ITGA2: variants seen among roughly 807,000 people sequenced by gnomAD.
ITGA2 encodes the protein integrin subunit alpha 2.
ITGA2 carries 101 observed loss-of-function variants against 146.3 expected under a neutral mutation model. The ratio of observed to expected loss-of-function variants is 0.69; its 90% CI spans 0.59 to 0.81. The LOEUF is 0.81. Ranked by LOEUF, ITGA2 falls within the 40% of genes least tolerant of loss-of-function variation. The probability of loss-of-function intolerance (pLI) is 0.00; values close to 1 mark genes in which losing one functional copy is unlikely to be tolerated. For missense variants in ITGA2, 1,281 were observed against 1,402.7 expected (o/e 0.91, Z 1.39); for synonymous variants, 477 against 487.1 (o/e 0.98, Z 0.27).
intron 1 of ITGA2, among the ~76,000 whole-genome samples, chr5:53,011,205 A>G (rs947682838): frequency 6.6e-6 from 1 of 152,182 alleles, no homozygotes; most frequent in Non-Finnish European, 1.5e-5. Context: ...CCATTAAGAC[A>G]TATAGAGGGG....
chr5:52,991,998 T>TCCACC (rs70974483), intron 1 of ITGA2, among the ~76,000 whole-genome samples: 67,519 of 151,446 alleles, frequency 0.45, 16,517 homozygotes, highest in Middle Eastern at 0.57. Context: ...GGATAGTCCT[T>TCCACC]CCACCCAGGT....
intron 7 of ITGA2, among the ~76,000 whole-genome samples, chr5:53,053,241 TG>T (rs1437573698): frequency 2.0e-5 from 3 of 152,182 alleles, no homozygotes; most frequent in African/African-American, 7.2e-5. Flanking sequence ...TTCCGTCAAC[TG>T]GTGACAATCC....
intron 4 of ITGA2, among the ~76,000 whole-genome samples, chr5:53,047,842 C>A (rs1353202120): frequency 6.6e-6 from 1 of 152,158 alleles, no homozygotes; most frequent in Non-Finnish European, 1.5e-5. Context: ...TCAGCAAGAA[C>A]AATGATAATG....
chr5:53,080,416 T>TTAC, intron 24 of ITGA2, 95 bp from the exon 25 acceptor site: 1 of 906,494 alleles, frequency 1.1e-6, no homozygotes, highest in Non-Finnish European at 1.9e-6. Flanking sequence ...TCTTACCACC[T>TTAC]CGTAGTTGCC....
Position 53,042,338 on chromosome 5 carries a change from T to C in ITGA2, c.295+117T>C, listed in dbSNP as rs948928388. 16 of 739,908 alleles carry C rather than the reference T, an allele frequency of 2.2e-5. No homozygotes were observed. The African/African-American group carries it at 2.4e-4, about 11-fold the overall frequency. The allele number at this position is 739,908 out of a possible 1,614,324, so 45.8% of individuals were successfully genotyped here. On this transcript the variant is annotated intron_variant, in intron 3 of 29. Coordinates refer to ENST00000296585, the MANE Select transcript of ITGA2 (RefSeq NM_002203.4). ...TACAGACAGCTTTTTTTTGCCCTTA[T>C]GTCTTTAGTAATATGGGGCACAATC...
chr5:53,048,377 G>T lies in ITGA2; in HGVS notation c.402G>T (p.Leu134=). The change falls in exon 5 of 30, where the codon CTG becomes CTT. Residue 134 remains leucine, a synonymous_variant. Coordinates refer to ENST00000296585, the MANE Select transcript of ITGA2 (RefSeq NM_002203.4). ...GTGGFLTCGP[L]WAQQCGNQYY... ...TTTCTTTGAAGACATGTGGTCCTCT[G>T]TGGGCACAGCAATGTGGGAATCAGT... 1.2e-6 allele frequency: 2 copies of T among 1,613,978 alleles called. No individual in the cohort carries two copies. The highest frequency in any genetic ancestry group is 2.2e-5 in the South Asian group (2 of 91,086).
At chr5:52,995,577 G>C (rs1398783562) in intron 1 of ITGA2, among the ~76,000 whole-genome samples, 3 of 152,166 alleles carry the variant, frequency 2.0e-5, no homozygotes, top group Non-Finnish European at 4.4e-5. Flanking sequence ...GCCATTCACT[G>C]AGATAAGCAG....
intron 1 of ITGA2, among the ~76,000 whole-genome samples, chr5:52,993,395 A>G (rs769899996): frequency 1.3e-5 from 2 of 152,192 alleles, no homozygotes; most frequent in Admixed American, 1.3e-4. Context: ...AATGGCTCAT[A>G]TATTTCTGAT....
At chr5:53,052,647 G>A (rs976940657) in intron 7 of ITGA2, among the ~76,000 whole-genome samples, 21 of 151,366 alleles carry the variant, frequency 1.4e-4, no homozygotes, top group African/African-American at 4.9e-5. Flanking sequence ...CAACCCTGTG[G>A]TCCCACCTTA....
intron 1 of ITGA2, among the ~76,000 whole-genome samples, chr5:53,016,412 T>G (rs891632839): frequency 3.3e-5 from 5 of 152,234 alleles, no homozygotes; most frequent in Non-Finnish European, 1.5e-5. Context: ...AATATAGGCC[T>G]CAAATCTCTT....
Position 53,090,709 on chromosome 5 carries a change from AAACT to A in ITGA2, c.*114_*117del, listed in dbSNP as rs1419403281. On this transcript the variant is annotated 3_prime_UTR_variant, in exon 30 of 30. Coordinates refer to ENST00000296585, the MANE Select transcript of ITGA2 (RefSeq NM_002203.4). ...ATATTTTTTTTATCATGTCGTAGGT[AAACT>A]AACCTGGTATTTTAAGAGAAAACTG... 3.5e-6 allele frequency: 3 copies of A among 867,310 alleles called. No individual in the cohort carries two copies. The African/African-American group carries it at 5.1e-5, about 15-fold the overall frequency. 53.7% of individuals were successfully genotyped at this position (867,310 alleles called of 1,614,324 possible).
Position 53,064,987 on chromosome 5 carries a change from G to C in ITGA2, c.1678G>C (p.Ala560Pro), listed in dbSNP as rs1192295786. The change falls in exon 14 of 30, where the codon GCT becomes CCT. Residue 560 changes from alanine to proline, a missense_variant. Ala to Pro is a conservative substitution (Grantham distance 27). Transcript: ENST00000296585. ...ENTRFGSAIA[A>P]LSDINMDGFN... ...CACTCGATTTGGTTCAGCAATTGCAGCTCTTTCAGACATCAACATGGATGG... is the reference window on the plus strand; with the variant it reads ...CACTCGATTTGGTTCAGCAATTGCACCTCTTTCAGACATCAACATGGATGG... The C allele has an allele frequency of 4.3e-6, 7 of 1,612,928 alleles. No individual in the cohort carries two copies. Among genetic ancestry groups the C allele is most frequent in the African/African-American group, 1.3e-5 (1 of 74,928 alleles).
chr5:53,035,699 C>A (rs1743456201), intron 2 of ITGA2, among the ~76,000 whole-genome samples: 1 of 152,124 alleles, frequency 6.6e-6, no homozygotes, highest in African/African-American at 2.4e-5. Flanking sequence ...ATCACAAATT[C>A]ATTTTATGTT....
Position 53,074,494 on chromosome 5 carries a change from A to C in ITGA2, c.2664+17A>C. 1.9e-6 allele frequency: 3 copies of C among 1,579,958 alleles called. No homozygotes were observed. Among genetic ancestry groups the C allele is most frequent in the Non-Finnish European group, 2.6e-6 (3 of 1,149,572 alleles). On this transcript the variant is annotated intron_variant, in intron 21 of 29. Coordinates refer to ENST00000296585, the MANE Select transcript of ITGA2 (RefSeq NM_002203.4). ...GAACAACAGGTACAACTTGCATTTC[A>C]TCCTCCAATCCATACAAGCCCTCCT...
At chr5:52,995,313 G>A (rs1298546671) in intron 1 of ITGA2, among the ~76,000 whole-genome samples, 1 of 152,186 alleles carries the variant, frequency 6.6e-6, no homozygotes, top group East Asian at 1.9e-4. Context: ...TGGAGGCCAG[G>A]TGGAAAGCAC....
chr5:53,079,906 G>A (rs1745834783), intron 24 of ITGA2, among the ~76,000 whole-genome samples: 1 of 152,034 alleles, frequency 6.6e-6, no homozygotes, highest in South Asian at 2.1e-4. Context: ...ATAACCAGTA[G>A]TGTATGAGCC....
At chr5:53,032,027 A>G (rs932662525) in intron 2 of ITGA2, among the ~76,000 whole-genome samples, 27 of 152,208 alleles carry the variant, frequency 1.8e-4, no homozygotes, top group Middle Eastern at 3.2e-3. Flanking sequence ...GAGAACTGCA[A>G]TCTCTCTGTG....
At chr5:53,083,832 T>C (rs1746034190) in intron 27 of ITGA2, among the ~76,000 whole-genome samples, 1 of 152,134 alleles carries the variant, frequency 6.6e-6, no homozygotes, top group African/African-American at 2.4e-5. Flanking sequence ...CAAATCAAAA[T>C]GTCTGTGTCT....
intron 1 of ITGA2, among the ~76,000 whole-genome samples, chr5:53,023,203 T>C (rs1449546539): frequency 6.6e-6 from 1 of 152,244 alleles, no homozygotes; most frequent in Non-Finnish European, 1.5e-5. Flanking sequence ...CTGCATCTAA[T>C]AGAGAACTGG....
Sources: allele counts gnomAD v4.1 joint callset (sites outside exome capture counted in the v4.1 genomes callset), GRCh38; gene constraint gnomAD v4.1.1; transcripts MANE v1.5; gene names NCBI Gene and HGNC (gene_info 2026-07-23, HGNC 2026-07-21).